The following EYS variants were observed in gnomAD, a reference collection of about 807,000 sequenced individuals.
The protein encoded by EYS is EGF-like photoreceptor maintenance factor.
In EYS, 250 loss-of-function variants were observed where a neutral mutation model predicts 282.1. That is an observed-to-expected ratio of 0.89 (90% CI 0.80 to 0.98). The LOEUF (loss-of-function observed/expected upper bound fraction) is 0.98, where lower values mean the gene tolerates loss of function less well. Ranked by LOEUF, EYS falls within the 50% of genes least tolerant of loss-of-function variation. The pLI is 0.00. For synonymous variants in EYS, 1,355 were observed against 1,282.9 expected, an observed-to-expected ratio of 1.06 and a Z score of -1.20; for missense variants, 4,016 against 3,709.0, an observed-to-expected ratio of 1.08 and a Z score of -2.15.
intron 22 of EYS, among the ~76,000 whole-genome samples, chr6:64,687,670 T>C (rs943208914): frequency 2.0e-5 from 3 of 152,202 alleles, no homozygotes; most frequent in African/African-American, 7.2e-5. Flanking sequence ...GGGATATTAG[T>C]CTAAAATTCT....
At chr6:63,743,757 T>C (rs1283413004) in intron 41 of EYS, among the ~76,000 whole-genome samples, 1 of 152,232 alleles carries the variant, frequency 6.6e-6, no homozygotes, top group Non-Finnish European at 1.5e-5. Context: ...ACATTGAGTT[T>C]AAAGAAGAAC....
intron 13 of EYS, among the ~76,000 whole-genome samples, chr6:65,017,471 G>A (rs547308996): frequency 3.1e-4 from 47 of 152,124 alleles, no homozygotes; most frequent in Non-Finnish European, 5.6e-4. Flanking sequence ...TCATTAAATA[G>A]CAAATGAATT....
chr6:65,109,193 A>G (rs964568117), intron 12 of EYS, among the ~76,000 whole-genome samples: 3 of 151,974 alleles, frequency 2.0e-5, no homozygotes, highest in African/African-American at 7.2e-5. Context: ...AGCCACTTTT[A>G]GAATTTTTTT....
At chr6:65,180,110 G>A (rs1451805799) in intron 12 of EYS, among the ~76,000 whole-genome samples, 1 of 151,776 alleles carries the variant, frequency 6.6e-6, no homozygotes, top group Admixed American at 6.6e-5. Flanking sequence ...TACTGAATGG[G>A]CAAAAACTGG....
At chr6:65,469,240 A>G (rs2127236813) in intron 5 of EYS, among the ~76,000 whole-genome samples, 1 of 152,166 alleles carries the variant, frequency 6.6e-6, no homozygotes, top group African/African-American at 2.4e-5. Flanking sequence ...TTATGAGTTC[A>G]TAAACTTTGT....
Position 64,307,000 on chromosome 6 carries a change from G to T in EYS, c.6161C>A (p.Ala2054Glu). The change falls in exon 30 of 43, where the codon GCA (alanine) becomes GAA (glutamate). Residue 2054 changes from alanine (A) to glutamate (E), a missense_variant. Ala to Glu is a moderately radical substitution (Grantham distance 107). Transcript: ENST00000503581. Reference sequence around the variant, plus strand: ...ATTGTTAATGTGATAGTTTTTCACTGCCTTGGATGGAATGAAAGATCTCCA... The same window carrying T: ...ATTGTTAATGTGATAGTTTTTCACTTCCTTGGATGGAATGAAAGATCTCCA... ...NNWRSFIPSK[A>E]VKNYHINNCR... 1 of 1,537,952 alleles carries T rather than the reference G, an allele frequency of 6.5e-7. No individual in the cohort carries two copies. The highest frequency in any genetic ancestry group is 8.8e-7 in the Non-Finnish European group (1 of 1,136,220).
chr6:64,919,457 T>G (rs1046871200), intron 15 of EYS, among the ~76,000 whole-genome samples: 4 of 149,524 alleles, frequency 2.7e-5, no homozygotes, highest in Admixed American at 6.7e-5. Context: ...TTATGGAGTA[T>G]GTATTCTAAA....
intron 22 of EYS, among the ~76,000 whole-genome samples, chr6:64,726,067 C>G (rs1015335077): frequency 6.6e-6 from 1 of 152,058 alleles, no homozygotes; most frequent in East Asian, 1.9e-4. Context: ...TTGACAATAT[C>G]CAAGACTTTT....
chr6:65,151,340 GATAA>G (rs1285335154), intron 12 of EYS, among the ~76,000 whole-genome samples: 74 of 152,072 alleles, frequency 4.9e-4, no homozygotes, highest in Non-Finnish European at 1.3e-4. Context: ...GGGAAGGAGA[GATAA>G]TTGGGCAGAG....
intron 5 of EYS, among the ~76,000 whole-genome samples, chr6:65,488,120 A>C (rs1194520189): frequency 6.6e-6 from 1 of 152,110 alleles, no homozygotes; most frequent in Admixed American, 6.6e-5. Context: ...CTTTTCAAAA[A>C]ACCAGCTCCT....
intron 12 of EYS, among the ~76,000 whole-genome samples, chr6:65,273,702 G>A (rs1289905147): frequency 6.6e-6 from 1 of 152,160 alleles, no homozygotes; most frequent in Non-Finnish European, 1.5e-5. Flanking sequence ...GCTATGCAAG[G>A]CCACAAGTTA....
At chr6:64,818,524 G>A (rs143776679) in intron 21 of EYS, among the ~76,000 whole-genome samples, 1,807 of 152,216 alleles carry the variant, frequency 0.012, 38 homozygotes, top group African/African-American at 0.04. Context: ...GCCAGTCCGA[G>A]TCCCAAAACC....
At chr6:65,320,990 C>T (rs535773482) in intron 11 of EYS, among the ~76,000 whole-genome samples, 1 of 152,316 alleles carries the variant, frequency 6.6e-6, no homozygotes, top group South Asian at 2.1e-4. Flanking sequence ...TTGTTTTCCC[C>T]TTCTTTTCAC....
chr6:64,830,876 A>T (rs956957266), intron 19 of EYS, among the ~76,000 whole-genome samples: 1 of 151,986 alleles, frequency 6.6e-6, no homozygotes, highest in Non-Finnish European at 1.5e-5. Context: ...ACCAAGTTCT[A>T]AGTGCAATTC....
At chr6:65,148,802 A>C (rs932308106) in intron 12 of EYS, among the ~76,000 whole-genome samples, 4 of 152,114 alleles carry the variant, frequency 2.6e-5, no homozygotes, top group Middle Eastern at 3.2e-3. Flanking sequence ...ACCTAGGCAG[A>C]GTTTCCCAAA....
At chr6:64,114,316 T>C (rs574826632) in intron 31 of EYS, among the ~76,000 whole-genome samples, 213 of 152,318 alleles carry the variant, frequency 1.4e-3, no homozygotes, top group African/African-American at 4.8e-3. Flanking sequence ...GTTTATTTTA[T>C]TAGCTTTATT....
chr6:65,410,506 A>G (rs1289726686), intron 5 of EYS, among the ~76,000 whole-genome samples: 1 of 151,276 alleles, frequency 6.6e-6, no homozygotes, highest in Non-Finnish European at 1.5e-5. Context: ...ATCTCATTGT[A>G]CTTTGTACCT....
chr6:64,059,698 C>T (rs1771098732), intron 33 of EYS, among the ~76,000 whole-genome samples: 1 of 152,126 alleles, frequency 6.6e-6, no homozygotes, highest in South Asian at 2.1e-4. Flanking sequence ...TTTTCTTAAG[C>T]TTATGTAATA....
intron 11 of EYS, among the ~76,000 whole-genome samples, chr6:65,318,092 T>C (rs1377781220): frequency 6.6e-6 from 1 of 151,068 alleles, no homozygotes. Context: ...TGGTCTTGAT[T>C]TCCTGACCTC....
Sources: allele counts gnomAD v4.1 joint callset (sites outside exome capture counted in the v4.1 genomes callset), GRCh38; gene constraint gnomAD v4.1.1; transcripts MANE v1.5; gene names NCBI Gene and HGNC (gene_info 2026-07-23, HGNC 2026-07-21).